SLC24A4: variants seen among roughly 807,000 people sequenced by gnomAD.
SLC24A4 encodes the protein sodium/potassium/calcium exchanger 4.
In SLC24A4, 53 loss-of-function variants were observed where a neutral mutation model predicts 79.0. That is an observed-to-expected ratio of 0.67 (90% CI 0.54 to 0.84). SLC24A4 has a LOEUF of 0.84. Among genes scored for constraint, SLC24A4 ranks in the 40% least tolerant of loss-of-function variants. The probability of loss-of-function intolerance (pLI) is 0.00; values close to 1 mark genes in which losing one functional copy is unlikely to be tolerated. For missense variants in SLC24A4, 731 were observed against 822.0 expected, an observed-to-expected ratio of 0.89 and a Z score of 1.35; for synonymous variants, 323 against 323.8, an observed-to-expected ratio of 1.00 and a Z score of 0.03.
chr14:92,446,257 G>A (rs1424625476), intron 8 of SLC24A4, among the ~76,000 whole-genome samples: 1 of 151,584 alleles, frequency 6.6e-6, no homozygotes, highest in Non-Finnish European at 1.5e-5. Flanking sequence ...AGTGATTCAT[G>A]TGCCTCAGCC....
At chr14:92,456,741 C>T (rs1893495767) in intron 12 of SLC24A4, 133 bp downstream of exon 12, 1 of 896,910 alleles carries the variant, frequency 1.1e-6, no homozygotes, top group Non-Finnish European at 1.7e-6. Context: ...GATATTAGGT[C>T]ACTGGAATGC....
chr14:92,405,761 G>A (rs1193471809), intron 2 of SLC24A4, among the ~76,000 whole-genome samples: 1 of 152,122 alleles, frequency 6.6e-6, no homozygotes, highest in Non-Finnish European at 1.5e-5. Context: ...CTGCCTCCAT[G>A]ATGTAATCAC....
intron 2 of SLC24A4, among the ~76,000 whole-genome samples, chr14:92,376,028 AAGAG>A (rs1182077558): frequency 1.3e-5 from 2 of 152,216 alleles, no homozygotes; most frequent in Admixed American, 1.3e-4. Flanking sequence ...CTCAATCAAA[AAGAG>A]AGACCATTTG....
chr14:92,403,215 A>G (rs1251426794), intron 2 of SLC24A4, among the ~76,000 whole-genome samples: 1 of 152,086 alleles, frequency 6.6e-6, no homozygotes, highest in Non-Finnish European at 1.5e-5. Flanking sequence ...TAAGTGAGGA[A>G]GGGCAGCGTG....
chr14:92,340,897 G>A (rs562435306), intron 2 of SLC24A4, among the ~76,000 whole-genome samples: 93 of 152,292 alleles, frequency 6.1e-4, no homozygotes, highest in Admixed American at 3.4e-3. Flanking sequence ...AACATTGGAG[G>A]CATGTAAACA....
chr14:92,474,823 A>ATCTGTG (rs1491299476), intron 12 of SLC24A4, among the ~76,000 whole-genome samples: 1 of 8,886 alleles, frequency 1.1e-4, no homozygotes, highest in African/African-American at 1.9e-4. Context: ...ATATATATAC[A>ATCTGTG]TATATATGTG....
At chr14:92,332,823 A>T (rs1362915705) in intron 2 of SLC24A4, among the ~76,000 whole-genome samples, 4 of 152,228 alleles carry the variant, frequency 2.6e-5, no homozygotes, top group Non-Finnish European at 5.9e-5. Flanking sequence ...GTAAGTACAG[A>T]AAAACAATTT....
At position 92,353,191 on chromosome 14, in the gene SLC24A4, A is replaced by T. The variant is rs757212635; in HGVS notation, c.241+27213A>T. ...GGCTCAAATATTTCAAGCTGTCATCAGGAGCATGACATACTCTTTGATCCG... is the reference window on the plus strand; with the variant it reads ...GGCTCAAATATTTCAAGCTGTCATCTGGAGCATGACATACTCTTTGATCCG... On this transcript the variant is annotated intron_variant, in intron 2 of 16. Transcript: ENST00000532405. This position sits in a 1 kb window ranked among gnomAD's most constrained non-coding sequence, Gnocchi z 4.1. Among the ~76,000 whole-genome samples the T allele has an allele frequency of 2.0e-5, 3 of 152,224 alleles. No individual in the cohort carries two copies. Among genetic ancestry groups the T allele is most frequent in the Non-Finnish European group, 4.4e-5 (3 of 68,034 alleles).
intron 13 of SLC24A4, among the ~76,000 whole-genome samples, chr14:92,483,304 C>A (rs4904939): frequency 0.91 from 138,401 of 152,206 alleles, 63,908 homozygotes; most frequent in Non-Finnish European, 0.99. Context: ...TGGTTTAAGC[C>A]CTTCATATAA....
chr14:92,337,485 C>G (rs912536152), intron 2 of SLC24A4, among the ~76,000 whole-genome samples: 14 of 152,208 alleles, frequency 9.2e-5, no homozygotes, highest in African/African-American at 3.4e-4. Flanking sequence ...GCTGACCCCT[C>G]TAGCCTGTCG....
chr14:92,323,798 C>T lies in SLC24A4; in HGVS notation c.-33C>T, dbSNP rs1566683530. On this transcript the variant is annotated 5_prime_UTR_variant, in exon 1 of 17. Coordinates refer to ENST00000532405, the MANE Select transcript of SLC24A4 (RefSeq NM_153646.4). The surrounding 1 kb of genome is among the most constrained non-coding windows in gnomAD (Gnocchi z 4.9). ...CACTCTGGCCGCTGAAGCTCCCCAT[C>T]CTCTCCCAGAGACGGCACCCAGGCG... The T allele has an allele frequency of 6.5e-7, 1 of 1,540,732 alleles. No homozygotes were observed. Among genetic ancestry groups the T allele is most frequent in the Admixed American group, 2.0e-5 (1 of 51,138 alleles).
chr14:92,359,899 CA>C lies in SLC24A4; in HGVS notation c.241+33922del, dbSNP rs368485392. 2.0e-4 allele frequency among the ~76,000 whole-genome samples: 30 copies of C among 152,252 alleles called. No individual in the cohort carries two copies. The East Asian group carries it at 4.0e-3, about 21-fold the overall frequency. ...CTTTATGTAAATGGAGTTATAGTAA[CA>C]CACACACACTTACGTTTTTGTGTTT... On this transcript the variant is annotated intron_variant, in intron 2 of 16. Coordinates refer to ENST00000532405, the MANE Select transcript of SLC24A4 (RefSeq NM_153646.4).
intron 2 of SLC24A4, among the ~76,000 whole-genome samples, chr14:92,360,690 T>C (rs577660842): frequency 1.3e-5 from 2 of 152,224 alleles, no homozygotes; most frequent in Non-Finnish European, 2.9e-5. Flanking sequence ...CAATTTACAT[T>C]CCCTCTTAAT....
At chr14:92,464,721 C>G (rs564072537) in intron 12 of SLC24A4, among the ~76,000 whole-genome samples, 13 of 152,300 alleles carry the variant, frequency 8.5e-5, no homozygotes, top group African/African-American at 1.7e-4. Flanking sequence ...CCAGCCTCTG[C>G]AGATACACTG....
chr14:92,493,828 GCC>G lies in SLC24A4; in HGVS notation c.*203_*204del, dbSNP rs1222534604. ...GCATCCTCCTCCTCCTTGGAGTTCC[GCC>G]CCTGCAAGGCTGGATTTGGGGGCCA... is the stretch of plus-strand genomic sequence containing the variant. On this transcript the variant is annotated 3_prime_UTR_variant, in exon 17 of 17. Transcript: ENST00000532405. The G allele has an allele frequency of 1.6e-5, 10 of 630,926 alleles. No homozygotes were observed. In the Admixed American group the frequency reaches 2.2e-4, roughly 14 times the overall value. The allele number at this position is 630,926 out of a possible 1,614,324, so 39.1% of individuals were successfully genotyped here. A position where few individuals can be genotyped will look rare whatever the true frequency, so the allele number is the denominator to read the frequency against.
intron 2 of SLC24A4, among the ~76,000 whole-genome samples, chr14:92,370,144 A>G (rs370612780): frequency 2.6e-5 from 4 of 152,362 alleles, no homozygotes. Flanking sequence ...TCCTTCTGGT[A>G]AGAGATAGCT....
chr14:92,469,096 G>T (rs1243211993), intron 12 of SLC24A4, among the ~76,000 whole-genome samples: 2 of 152,152 alleles, frequency 1.3e-5, no homozygotes, highest in Non-Finnish European at 2.9e-5. Context: ...GAGATATCAT[G>T]ATGAGATGCC....
Position 92,458,803 on chromosome 14 carries a change from C to T in SLC24A4, c.1255+2195C>T, listed in dbSNP as rs566544424. On this transcript the variant is annotated intron_variant, in intron 12 of 16. Coordinates refer to ENST00000532405, the MANE Select transcript of SLC24A4 (RefSeq NM_153646.4). Reference sequence around the variant, plus strand: ...ACGTGGGGCTGGGGAAAGGTCAGAGCTGCAGTCACCAAAGGAATTTCGGTT... The same window carrying T: ...ACGTGGGGCTGGGGAAAGGTCAGAGTTGCAGTCACCAAAGGAATTTCGGTT... Among the ~76,000 whole-genome samples the T allele has an allele frequency of 6.6e-5, 10 of 152,366 alleles. No homozygotes were observed. In the South Asian group the frequency reaches 1.9e-3, roughly 28 times the overall value.
intron 2 of SLC24A4, among the ~76,000 whole-genome samples, chr14:92,383,701 C>T (rs141825314): frequency 6.6e-6 from 1 of 152,302 alleles, no homozygotes; most frequent in African/African-American, 2.4e-5. Context: ...AGCAAGGTGA[C>T]CGGCACCGAA....
Sources: gnomAD v4.1 joint callset for allele counts (sites outside exome capture counted in the v4.1 genomes callset) on GRCh38, gnomAD v4.1.1 for gene constraint, Gnocchi (gnomAD v3.1) non-coding constraint, MANE v1.5 for transcripts, NCBI Gene and HGNC (gene_info 2026-07-23, HGNC 2026-07-21) for gene names.